Variants in TMEM38A observed in about 807,000 individuals in gnomAD.
The protein encoded by TMEM38A is trimeric intracellular cation channel type A.
Under a neutral mutation model 28.6 loss-of-function variants are expected in TMEM38A, and 17 were observed. The observed-to-expected ratio is 0.60, with a 90% CI of 0.41 to 0.89. The LOEUF (loss-of-function observed/expected upper bound fraction) is 0.89. TMEM38A is among the 40% of genes least tolerant of loss of function. The pLI is 0.00. For synonymous variants in TMEM38A, 169 were observed against 166.1 expected, an observed-to-expected ratio of 1.02 and a Z score of -0.14; for missense variants, 328 against 393.1, an observed-to-expected ratio of 0.83 and a Z score of 1.40.
intron 1 of TMEM38A, among the ~76,000 whole-genome samples, chr19:16,671,706 G>A (rs568155458): frequency 1.2e-3 from 176 of 152,022 alleles, no homozygotes; most frequent in Non-Finnish European, 2.1e-3. Flanking sequence ...CTGGGATTAC[G>A]GGTGTGAGCC....
rs544244220 is a variant in TMEM38A, at chr19:16,683,962, T to C, written c.554+1454T>C. Among the ~76,000 whole-genome samples the C allele has an allele frequency of 2.4e-5, 3 of 126,204 alleles. No individual in the cohort carries two copies. In the South Asian group the frequency reaches 6.8e-4, roughly 29 times the overall value. 82.8% of individuals were successfully genotyped at this position (126,204 alleles called of 152,430 possible). A position where few individuals can be genotyped will look rare whatever the true frequency, so the allele number is the denominator to read the frequency against. Reference sequence around the variant, plus strand: ...TCCAGCCTGGGCAGCAAGAGCGAAATTCCATCTCAAAAAAAAAAAATTAAC... The same window carrying C: ...TCCAGCCTGGGCAGCAAGAGCGAAACTCCATCTCAAAAAAAAAAAATTAAC... On this transcript the variant is annotated intron_variant, in intron 4 of 5. Transcript: ENST00000187762.
At chr19:16,665,563 A>G (rs963955460) in intron 1 of TMEM38A, among the ~76,000 whole-genome samples, 1 of 152,128 alleles carries the variant, frequency 6.6e-6, no homozygotes, top group Non-Finnish European at 1.5e-5. Context: ...CTGAGTAAAC[A>G]CCACAATGGT....
chr19:16,683,885 A>G (rs1457635501), intron 4 of TMEM38A, among the ~76,000 whole-genome samples: 2 of 151,116 alleles, frequency 1.3e-5, no homozygotes, highest in Non-Finnish European at 3.0e-5. Flanking sequence ...CAGGAGAACC[A>G]CTTGAATCTG....
intron 4 of TMEM38A, among the ~76,000 whole-genome samples, chr19:16,683,391 C>G (rs1211894873): frequency 1.3e-5 from 2 of 150,858 alleles, no homozygotes; most frequent in East Asian, 3.9e-4. Flanking sequence ...GAGTTCAAGA[C>G]AAGACTGGGC....
At chr19:16,672,488 G>T (rs1008003321) in intron 1 of TMEM38A, among the ~76,000 whole-genome samples, 1 of 132,730 alleles carries the variant, frequency 7.5e-6, no homozygotes, top group Non-Finnish European at 1.5e-5. Context: ...TTGCTCTGTG[G>T]CCCAGGCTGG....
chr19:16,682,703 C>T (rs1426200004), intron 4 of TMEM38A, among the ~76,000 whole-genome samples, 195 bp downstream of exon 4: 1 of 152,112 alleles, frequency 6.6e-6, no homozygotes, highest in Non-Finnish European at 1.5e-5. Flanking sequence ...GAGGGCAGAG[C>T]TGCAGGAAGG....
In TMEM38A at chr19:16,688,416, C is replaced by G; in HGVS notation, c.*45C>G. The G allele has an allele frequency of 5.6e-6, 8 of 1,429,664 alleles. No homozygotes were observed. The highest frequency in any genetic ancestry group is 6.5e-6 in the Non-Finnish European group (7 of 1,083,672). 88.6% of individuals were successfully genotyped at this position (1,429,664 alleles called of 1,614,324 possible). ...CGGGGAGAGGACCCGGACCCAGGAC[C>G]CTCTGAGCTGGGAGGCTTCCTGCGC... On this transcript the variant is annotated 3_prime_UTR_variant, in exon 6 of 6. Transcript: ENST00000187762.
At position 16,680,621 on chromosome 19, in the gene TMEM38A, G is replaced by T. The variant is rs754106147; in HGVS notation, c.466+40G>T. ...GACAATGAAAAATCATCCCAGTGGAGAACTTTTGGTTCAGTGGTACTACCA... is the reference window on the plus strand; with the variant it reads ...GACAATGAAAAATCATCCCAGTGGATAACTTTTGGTTCAGTGGTACTACCA... On this transcript the variant is annotated intron_variant, in intron 3 of 5. Transcript: ENST00000187762. 5.6e-6 allele frequency: 9 copies of T among 1,599,920 alleles called. No individual in the cohort carries two copies. The South Asian group carries it at 8.8e-5, about 16-fold the overall frequency.
chr19:16,682,488 C>T lies in TMEM38A; in HGVS notation c.534C>T (p.Asn178=), dbSNP rs139674557. 7.1e-5 allele frequency: 115 copies of T among 1,613,968 alleles called. No individual in the cohort carries two copies. The highest frequency in any genetic ancestry group is 6.2e-4 in the East Asian group (28 of 44,892). ...LLRGVWKPET[N]EILHMSFPTK... ...GAGGGGTCTGGAAGCCAGAGACCAACGAGATCCTGCACATGTCTTTGTGAG... is the reference window on the plus strand; with the variant it reads ...GAGGGGTCTGGAAGCCAGAGACCAATGAGATCCTGCACATGTCTTTGTGAG... The change falls in exon 4 of 6, where the codon AAC becomes AAT. Residue 178 remains asparagine (N), a synonymous_variant. Coordinates refer to ENST00000187762, the MANE Select transcript of TMEM38A (RefSeq NM_024074.4).
rs766562236 is a variant in TMEM38A at position 16,680,111 on chromosome 19, C to T, written c.252C>T (p.Asn84=). The change falls in exon 2 of 6, where the codon AAC becomes AAT. Residue 84 remains asparagine, a synonymous_variant. Coordinates refer to ENST00000187762, the MANE Select transcript of TMEM38A (RefSeq NM_024074.4). The part of the protein sequence containing the change: ...GEPLIDYFSN[N]SSILLASAVW... ...CACTGATCGATTACTTCAGCAACAA[C>T]TCCAGCATCCTGCTGGCCTCAGCTG... is the stretch of plus-strand genomic sequence containing the variant. The T allele has an allele frequency of 3.7e-6, 6 of 1,610,046 alleles. No individual in the cohort carries two copies. The highest frequency in any genetic ancestry group is 5.1e-6 in the Non-Finnish European group (6 of 1,179,994).
intron 1 of TMEM38A, among the ~76,000 whole-genome samples, chr19:16,664,477 C>T (rs2086695108): frequency 6.6e-6 from 1 of 152,030 alleles, no homozygotes. Flanking sequence ...CTGTTAGTCC[C>T]AGTTTGGTGT....
chr19:16,680,148 A>T lies in TMEM38A; in HGVS notation c.281+8A>T, dbSNP rs758382304. ...GCTGGCCTCAGCTGTCTGGTAAGCCATGCTGGGCATGGGAGAGCAGAGCCG... is the reference window on the plus strand; with the variant it reads ...GCTGGCCTCAGCTGTCTGGTAAGCCTTGCTGGGCATGGGAGAGCAGAGCCG... On this transcript the variant is annotated splice_region_variant and intron_variant, in intron 2 of 5. Coordinates refer to ENST00000187762, the MANE Select transcript of TMEM38A (RefSeq NM_024074.4). The T allele has an allele frequency of 6.2e-7, 1 of 1,606,292 alleles. No homozygotes were observed. The highest frequency in any genetic ancestry group is 1.7e-5 in the Admixed American group (1 of 59,944).
chr19:16,668,339 G>A (rs901443513), intron 1 of TMEM38A, among the ~76,000 whole-genome samples: 11 of 151,904 alleles, frequency 7.2e-5, no homozygotes, highest in African/African-American at 1.2e-4. Context: ...GAAGCCAGGC[G>A]TTGGAGACCA....
chr19:16,661,187 G>T lies in TMEM38A; in HGVS notation c.-31G>T. On this transcript the variant is annotated 5_prime_UTR_variant, in exon 1 of 6. Coordinates refer to ENST00000187762, the MANE Select transcript of TMEM38A (RefSeq NM_024074.4). The surrounding 1 kb of genome is among the most constrained non-coding windows in gnomAD (Gnocchi z 6.5). ...GGGACGGACGAGGCCGGGGCCCCGG[G>T]TGGCACCCGGCAGGCGGGCAGGCGG... is the stretch of plus-strand genomic sequence containing the variant. 1 of 1,338,582 alleles carries T rather than the reference G, an allele frequency of 7.5e-7. No homozygotes were observed. The highest frequency in any genetic ancestry group is 9.7e-7 in the Non-Finnish European group (1 of 1,030,722). The allele number at this position is 1,338,582 out of a possible 1,614,324, so 82.9% of individuals were successfully genotyped here. A position where few individuals can be genotyped will look rare whatever the true frequency, so the allele number is the denominator to read the frequency against.
intron 1 of TMEM38A, among the ~76,000 whole-genome samples, chr19:16,671,652 A>T (rs1490206018): frequency 6.6e-6 from 1 of 150,838 alleles, no homozygotes; most frequent in Non-Finnish European, 1.5e-5. Context: ...CTGGTCTTGA[A>T]CTCCTGAGCT....
At chr19:16,685,049 T>A (rs965162502) in intron 4 of TMEM38A, among the ~76,000 whole-genome samples, 3 of 136,480 alleles carry the variant, frequency 2.2e-5, no homozygotes, top group African/African-American at 8.4e-5. Context: ...ACCCTGTCTC[T>A]GTAAATAAAT....
At chr19:16,686,144 C>A in intron 4 of TMEM38A, 144 bp from the exon 5 acceptor site, 1 of 597,206 alleles carries the variant, frequency 1.7e-6, no homozygotes, top group Admixed American at 2.9e-5. Context: ...GCCTGGGCAA[C>A]AGAGTGAGAT....
chr19:16,672,492 AGGCT>A (rs2086732262), intron 1 of TMEM38A, among the ~76,000 whole-genome samples: 1 of 127,442 alleles, frequency 7.8e-6, no homozygotes, highest in Non-Finnish European at 1.5e-5. Context: ...TCTGTGGCCC[AGGCT>A]GGAGTGCAGT....
Position 16,680,474 on chromosome 19 carries a change from C to G in TMEM38A, c.359C>G (p.Ala120Gly). The change falls in exon 3 of 6, where the codon GCC (alanine) becomes GGC (glycine). Residue 120 changes from alanine (A) to glycine (G), a missense_variant. Coordinates refer to ENST00000187762, the MANE Select transcript of TMEM38A (RefSeq NM_024074.4). ...CFLPVKLIFV[A>G]MKEVVRVRKI... ...CTGCCTGTGAAACTCATCTTCGTGG[C>G]CATGAAGGAGGTGGTGCGAGTCCGC... 6.2e-7 allele frequency: 1 copy of G among 1,614,160 alleles called. No homozygotes were observed.
Sources: gnomAD v4.1 joint callset for allele counts (sites outside exome capture counted in the v4.1 genomes callset) on GRCh38, gnomAD v4.1.1 for gene constraint, Gnocchi (gnomAD v3.1) non-coding constraint, MANE v1.5 for transcripts, NCBI Gene and HGNC (gene_info 2026-07-23, HGNC 2026-07-21) for gene names.